The following RARB variants were observed in gnomAD, a reference collection of about 807,000 sequenced individuals.
RARB encodes HBV-activated protein.
A neutral mutation model predicts 51.9 loss-of-function variants in RARB; 17 were observed. The observed-to-expected ratio is 0.33, with a 90% CI of 0.22 to 0.49. The LOEUF (loss-of-function observed/expected upper bound fraction) is 0.49, where lower values mean the gene tolerates loss of function less well. Ranked by LOEUF, RARB falls within the 20% of genes least tolerant of loss-of-function variation. RARB has a pLI of 0.99. For missense variants in RARB, 369 were observed against 550.8 expected, an observed-to-expected ratio of 0.67 and a Z score of 3.30; for synonymous variants, 215 against 195.4, an observed-to-expected ratio of 1.10 and a Z score of -0.84.
At chr3:24,968,744 G>A (rs1370783996) in intron 2 of RARB, among the ~76,000 whole-genome samples, 3 of 152,132 alleles carry the variant, frequency 2.0e-5, no homozygotes, top group Non-Finnish European at 4.4e-5. Context: ...AAATATTTAA[G>A]TTTCTGCCTT....
chr3:25,504,385 T>C (rs1244927103), intron 3 of RARB, among the ~76,000 whole-genome samples: 1 of 152,224 alleles, frequency 6.6e-6, no homozygotes, highest in African/African-American at 2.4e-5. Context: ...CAGATTCTCA[T>C]TGGCCTAACT....
intron 2 of RARB, among the ~76,000 whole-genome samples, chr3:24,918,550 T>C (rs116742575): frequency 0.013 from 2,054 of 152,336 alleles, 43 homozygotes; most frequent in African/African-American, 0.048. Flanking sequence ...TGTTATGGTA[T>C]GTTAATAACA....
At chr3:25,485,711 C>T (rs1213939129) in intron 2 of RARB, among the ~76,000 whole-genome samples, 1 of 152,176 alleles carries the variant, frequency 6.6e-6, no homozygotes, top group Non-Finnish European at 1.5e-5. Flanking sequence ...GTATACTTTT[C>T]ATTTCCATTT....
chr3:25,552,752 G>T (rs1165745146), intron 3 of RARB, among the ~76,000 whole-genome samples: 1 of 122,378 alleles, frequency 8.2e-6, no homozygotes, highest in South Asian at 2.4e-4. Context: ...TGAAATGGGT[G>T]TAAATATTCA....
chr3:25,446,792 G>C (rs1288034440), intron 1 of RARB, among the ~76,000 whole-genome samples: 1 of 99,538 alleles, frequency 1.0e-5, no homozygotes, highest in Non-Finnish European at 1.8e-5. Flanking sequence ...GACAGAGCCA[G>C]ACTCCGTCTC....
intron 3 of RARB, among the ~76,000 whole-genome samples, chr3:25,529,074 G>A (rs1698784785): frequency 6.6e-6 from 1 of 151,928 alleles, no homozygotes; most frequent in African/African-American, 2.4e-5. Context: ...GTGACAATGA[G>A]ATGAGGAGTA....
intron 5 of RARB, among the ~76,000 whole-genome samples, chr3:25,379,748 A>G (rs1214769554): frequency 6.6e-6 from 1 of 152,224 alleles, no homozygotes; most frequent in Non-Finnish European, 1.5e-5. Flanking sequence ...TTTATTTTAC[A>G]TTATAACATC....
intron 1 of RARB, among the ~76,000 whole-genome samples, chr3:24,833,426 C>G (rs1232977218): frequency 6.6e-6 from 1 of 152,170 alleles, no homozygotes; most frequent in Admixed American, 6.5e-5. Flanking sequence ...CCCCAGCTTC[C>G]GCTTTAGGTA....
chr3:25,338,096 AACACACACACAC>A (rs10523484), intron 5 of RARB, among the ~76,000 whole-genome samples: 2,687 of 144,044 alleles, frequency 0.019, 64 homozygotes, highest in African/African-American at 0.062. Flanking sequence ...CCAAACCCCC[AACACACACACAC>A]ACACACACAC....
intron 2 of RARB, among the ~76,000 whole-genome samples, chr3:24,962,314 T>G (rs925288595): frequency 2.0e-5 from 3 of 152,162 alleles, no homozygotes; most frequent in South Asian, 4.1e-4. Flanking sequence ...GAGATAATTC[T>G]TGATTGCTGC....
At chr3:24,913,547 G>C (rs1695046259) in intron 2 of RARB, among the ~76,000 whole-genome samples, 1 of 151,960 alleles carries the variant, frequency 6.6e-6, no homozygotes, top group South Asian at 2.1e-4. Context: ...TAACAGTAGA[G>C]TTGAAATAAC....
intron 1 of RARB, among the ~76,000 whole-genome samples, chr3:24,847,577 C>T (rs990653573): frequency 6.6e-6 from 1 of 152,132 alleles, no homozygotes; most frequent in African/African-American, 2.4e-5. Context: ...TTGAGAACTT[C>T]CTTTGGTTGT....
At chr3:25,079,066 C>T (rs889595255) in intron 3 of RARB, among the ~76,000 whole-genome samples, 2 of 151,510 alleles carry the variant, frequency 1.3e-5, no homozygotes, top group Non-Finnish European at 2.9e-5. Context: ...TTTAACTTCT[C>T]TCACAATATT....
intron 5 of RARB, among the ~76,000 whole-genome samples, chr3:25,203,968 G>A (rs1238524013): frequency 2.0e-5 from 3 of 152,080 alleles, no homozygotes; most frequent in Non-Finnish European, 4.4e-5. Context: ...GAATTTGAAT[G>A]TTGGCCTGCC....
intron 2 of RARB, among the ~76,000 whole-genome samples, chr3:24,941,547 T>C (rs1695668120): frequency 1.3e-5 from 2 of 152,252 alleles, no homozygotes; most frequent in South Asian, 4.1e-4. Context: ...TTTTTGCATT[T>C]TTAGTAGAGA....
chr3:25,525,361 G>C (rs910373515), intron 3 of RARB, among the ~76,000 whole-genome samples: 2 of 152,036 alleles, frequency 1.3e-5, no homozygotes, highest in African/African-American at 4.8e-5. Context: ...GTGGAGATAG[G>C]ATGAAGGTAG....
At chr3:25,007,293 G>C (rs970121271) in intron 2 of RARB, among the ~76,000 whole-genome samples, 1 of 152,090 alleles carries the variant, frequency 6.6e-6, no homozygotes, top group African/African-American at 2.4e-5. Flanking sequence ...ATTAATAAAG[G>C]ATGTTATCCT....
At chr3:25,041,220 G>T (rs1039281541) in intron 2 of RARB, among the ~76,000 whole-genome samples, 3 of 152,094 alleles carry the variant, frequency 2.0e-5, no homozygotes, top group Non-Finnish European at 4.4e-5. Flanking sequence ...AAGGCCTGGG[G>T]GATGTCACTT....
intron 2 of RARB, among the ~76,000 whole-genome samples, chr3:24,947,479 A>G (rs566602341): frequency 3.3e-5 from 5 of 152,350 alleles, no homozygotes; most frequent in African/African-American, 9.6e-5. Context: ...TGTGTAAATC[A>G]TGAAGTTGGG....
Sources: allele counts gnomAD v4.1 joint callset (sites outside exome capture counted in the v4.1 genomes callset), GRCh38; gene constraint gnomAD v4.1.1; transcripts MANE v1.5; gene names NCBI Gene and HGNC (gene_info 2026-07-23, HGNC 2026-07-21).